Variants in UBTD2 observed in about 807,000 individuals in gnomAD.
The protein encoded by UBTD2 is ubiquitin domain containing 2.
In UBTD2, 9 loss-of-function variants were observed where a neutral mutation model predicts 19.8. The observed-to-expected ratio is 0.46, with a 90% CI of 0.27 to 0.79. The LOEUF is 0.79. Among genes scored for constraint, UBTD2 ranks in the 30% least tolerant of loss-of-function variants. The pLI, the probability that UBTD2 is intolerant of heterozygous loss-of-function variation, is 0.14. For missense variants in UBTD2, 250 were observed against 300.4 expected (o/e 0.83, Z 1.24); for synonymous variants, 98 against 103.9 (o/e 0.94, Z 0.35).
intron 2 of UBTD2, among the ~76,000 whole-genome samples, chr5:172,217,168 T>C (rs1037976688): frequency 1.3e-5 from 2 of 151,914 alleles, no homozygotes; most frequent in Admixed American, 6.6e-5. Context: ...TCCCAGCACT[T>C]TGGGAGGCCA....
chr5:172,222,410 T>C (rs1212711222), intron 2 of UBTD2, among the ~76,000 whole-genome samples: 1 of 152,196 alleles, frequency 6.6e-6, no homozygotes, highest in Non-Finnish European at 1.5e-5. Context: ...TTGAAGTGAG[T>C]AGGGCATGTC....
At chr5:172,255,230 G>A (rs541232430) in intron 1 of UBTD2, 244 of 451,806 alleles carry the variant, frequency 5.4e-4, no homozygotes, top group African/African-American at 3.5e-3. Flanking sequence ...GGTGAACTCC[G>A]CTTGCTCACC....
At chr5:172,269,084 A>C (rs1755431553) in intron 1 of UBTD2, among the ~76,000 whole-genome samples, 1 of 152,238 alleles carries the variant, frequency 6.6e-6, no homozygotes, top group Non-Finnish European at 1.5e-5. Context: ...AATATATATC[A>C]AAAAAGATAT....
chr5:172,238,860 T>C (rs1375865479), intron 1 of UBTD2, among the ~76,000 whole-genome samples: 1 of 152,142 alleles, frequency 6.6e-6, no homozygotes, highest in Non-Finnish European at 1.5e-5. Context: ...AATATCAAGA[T>C]ATGACTCAAG....
intron 1 of UBTD2, among the ~76,000 whole-genome samples, chr5:172,274,237 T>G: frequency 6.7e-6 from 1 of 148,232 alleles, no homozygotes; most frequent in African/African-American, 2.5e-5. Context: ...ACCTCCCGGG[T>G]TCAAGCGATT....
chr5:172,276,092 G>A (rs1460249167), intron 1 of UBTD2, among the ~76,000 whole-genome samples: 1 of 152,144 alleles, frequency 6.6e-6, no homozygotes, highest in Non-Finnish European at 1.5e-5. Context: ...AGATTCTGTA[G>A]GTCTAAGGCT....
At chr5:172,224,060 G>C (rs1771711091) in intron 2 of UBTD2, among the ~76,000 whole-genome samples, 1 of 152,090 alleles carries the variant, frequency 6.6e-6, no homozygotes, top group African/African-American at 2.4e-5. Flanking sequence ...AGTTTCAGTG[G>C]TATGAGACTG....
At chr5:172,279,607 G>C (rs1224897123) in intron 1 of UBTD2, among the ~76,000 whole-genome samples, 1 of 152,228 alleles carries the variant, frequency 6.6e-6, no homozygotes, top group East Asian at 1.9e-4. Flanking sequence ...CACTCAGAAA[G>C]TGAGAAGTTA....
intron 1 of UBTD2, among the ~76,000 whole-genome samples, chr5:172,250,966 A>G (rs1214718782): frequency 2.0e-5 from 3 of 148,778 alleles, no homozygotes; most frequent in South Asian, 4.3e-4. Flanking sequence ...AAAAGGAAAG[A>G]AAGTAAAAGG....
intron 1 of UBTD2, among the ~76,000 whole-genome samples, chr5:172,281,213 TA>T (rs1419042744): frequency 6.6e-6 from 1 of 152,200 alleles, no homozygotes; most frequent in African/African-American, 2.4e-5. Context: ...TGAATGTAAT[TA>T]AATCTGTCAT....
chr5:172,247,532 C>T lies in UBTD2; in HGVS notation c.71-13174G>A, dbSNP rs141171659. Among the ~76,000 whole-genome samples, 661 of 152,092 alleles carry T rather than the reference C, an allele frequency of 4.3e-3. 4 individuals are homozygous for T. The highest frequency in any genetic ancestry group is 0.015 in the African/African-American group (640 of 41,476). ...AACAAACAAAAAACAACCACCACCA[C>T]CAAAAACAAGAGGACTACAGTGGCT... is the stretch of plus-strand genomic sequence containing the variant. On this transcript the variant is annotated intron_variant, in intron 1 of 2. Coordinates refer to ENST00000393792, the MANE Select transcript of UBTD2 (RefSeq NM_152277.3).
At chr5:172,283,887 C>T (rs1291124041), upstream of UBTD2, 5 of 165,850 alleles carry the variant, frequency 3.0e-5, no homozygotes, top group East Asian at 5.5e-4. This position sits in a 1 kb window ranked among gnomAD's most constrained non-coding sequence, Gnocchi z 4.3. Context: ...GCCGCCCGCC[C>T]GGCAGGCCTG....
At chr5:172,275,444 C>G (rs1755588359) in intron 1 of UBTD2, among the ~76,000 whole-genome samples, 1 of 152,148 alleles carries the variant, frequency 6.6e-6, no homozygotes, top group Non-Finnish European at 1.5e-5. Context: ...CAAGAATGAT[C>G]CGTTCTAAAT....
intron 2 of UBTD2, among the ~76,000 whole-genome samples, chr5:172,229,275 T>C (rs200139690): frequency 2.6e-4 from 40 of 151,296 alleles, no homozygotes; most frequent in East Asian, 1.6e-3. Flanking sequence ...CCGAGGCGGG[T>C]GGATCACAAG....
intron 1 of UBTD2, among the ~76,000 whole-genome samples, chr5:172,238,806 T>C (rs1315112177): frequency 2.0e-5 from 3 of 152,180 alleles, no homozygotes; most frequent in African/African-American, 7.2e-5. Flanking sequence ...GATGGAACGC[T>C]TCAAATGAAG....
At chr5:172,258,832 G>A (rs1179932676) in intron 1 of UBTD2, among the ~76,000 whole-genome samples, 2 of 152,120 alleles carry the variant, frequency 1.3e-5, no homozygotes, top group African/African-American at 2.4e-5. Context: ...TAAAGTTTCC[G>A]ATCTAGGAGC....
At position 172,258,678 on chromosome 5, in the gene UBTD2, C is replaced by T. The variant is rs780308361; in HGVS notation, c.71-24320G>A. 9.9e-5 allele frequency among the ~76,000 whole-genome samples: 15 copies of T among 152,140 alleles called. 1 individual carries two copies. The highest frequency in any genetic ancestry group is 1.4e-4 in the African/African-American group (6 of 41,438). Reference sequence around the variant, plus strand: ...TGTTGTAGAGATCTTTCACTTCCCGCGTTGGCTGTTTTCCTAGGTATTCTA... The same window carrying T: ...TGTTGTAGAGATCTTTCACTTCCCGTGTTGGCTGTTTTCCTAGGTATTCTA... On this transcript the variant is annotated intron_variant, in intron 1 of 2. Coordinates refer to ENST00000393792, the MANE Select transcript of UBTD2 (RefSeq NM_152277.3).
At chr5:172,252,569 G>C (rs1036641101) in intron 1 of UBTD2, 1 of 152,194 alleles carries the variant, frequency 6.6e-6, no homozygotes, top group Non-Finnish European at 1.5e-5. Context: ...CTGAGACCAC[G>C]ATCAAGGGAA....
chr5:172,274,816 G>A (rs1294990582), intron 1 of UBTD2, among the ~76,000 whole-genome samples: 8 of 152,074 alleles, frequency 5.3e-5, no homozygotes, highest in Non-Finnish European at 1.2e-4. Flanking sequence ...CGAGGTGGGC[G>A]GATCATGAGG....
Sources: gnomAD v4.1 joint callset for allele counts (sites outside exome capture counted in the v4.1 genomes callset) on GRCh38, gnomAD v4.1.1 for gene constraint, Gnocchi (gnomAD v3.1) non-coding constraint, MANE v1.5 for transcripts, NCBI Gene and HGNC (gene_info 2026-07-23, HGNC 2026-07-21) for gene names.